SHANK2: variants seen among roughly 807,000 people sequenced by gnomAD.
SHANK2 encodes SH3 and multiple ankyrin repeat domains protein 2.
Under a neutral mutation model 133.7 loss-of-function variants are expected in SHANK2, and 43 were observed. That is an observed-to-expected ratio of 0.32 (90% confidence interval 0.25 to 0.41). The LOEUF (loss-of-function observed/expected upper bound fraction) is 0.41, where lower values mean the gene tolerates loss of function less well. Ranked by LOEUF, SHANK2 falls within the 10% of genes least tolerant of loss-of-function variation. SHANK2 has a pLI of 1.00. For synonymous variants in SHANK2, 1,017 were observed against 952.8 expected (o/e 1.07, Z -1.24); for missense variants, 1,994 against 2,235.8 (o/e 0.89, Z 2.18).
chr11:70,541,925 C>T (rs1409385945), intron 17 of SHANK2, among the ~76,000 whole-genome samples: 4 of 152,196 alleles, frequency 2.6e-5, no homozygotes, highest in South Asian at 4.1e-4. Flanking sequence ...CAGAGCAGGA[C>T]CCATGCAAAC....
At chr11:71,088,040 G>C (rs1951442338) in intron 8 of SHANK2, among the ~76,000 whole-genome samples, 1 of 152,168 alleles carries the variant, frequency 6.6e-6, no homozygotes, top group East Asian at 1.9e-4. Flanking sequence ...CTGTCTTCAT[G>C]AAGTCAGTGA....
intron 10 of SHANK2, among the ~76,000 whole-genome samples, chr11:70,945,467 T>C (rs982820786): frequency 6.6e-6 from 1 of 152,158 alleles, no homozygotes; most frequent in Non-Finnish European, 1.5e-5. Context: ...TCCAATACGC[T>C]GAGCTCCGAC....
chr11:70,718,623 G>A (rs549556393), intron 14 of SHANK2, among the ~76,000 whole-genome samples: 2 of 152,070 alleles, frequency 1.3e-5, no homozygotes, highest in East Asian at 1.9e-4. Context: ...CTTCCCAATC[G>A]GTACGTCCCG....
intron 11 of SHANK2, among the ~76,000 whole-genome samples, chr11:70,821,048 G>A (rs1404789678): frequency 6.6e-6 from 1 of 152,206 alleles, no homozygotes; most frequent in Non-Finnish European, 1.5e-5. Context: ...GCACTGAGCT[G>A]CCTGCCGCAA....
chr11:70,481,206 T>C (rs1555151473), intron 25 of SHANK2, among the ~76,000 whole-genome samples: 1 of 152,232 alleles, frequency 6.6e-6, no homozygotes, highest in Non-Finnish European at 1.5e-5. Context: ...ATGATGTACT[T>C]TTTTCTCTTT....
chr11:71,250,471 A>C (rs756922393), intron 1 of SHANK2, among the ~76,000 whole-genome samples: 1 of 152,124 alleles, frequency 6.6e-6, no homozygotes, highest in Non-Finnish European at 1.5e-5. Context: ...AGAAACCCAC[A>C]GCTCCCACCT....
At chr11:70,629,063 T>A (rs782199590) in intron 17 of SHANK2, among the ~76,000 whole-genome samples, 7 of 152,174 alleles carry the variant, frequency 4.6e-5, no homozygotes, top group Non-Finnish European at 4.4e-5. Context: ...GTTTCAGGCA[T>A]GTGCGCGCCA....
chr11:70,696,706 T>C (rs1555022302), intron 15 of SHANK2, among the ~76,000 whole-genome samples: 1 of 152,192 alleles, frequency 6.6e-6, no homozygotes, highest in East Asian at 1.9e-4. Context: ...GCATTCCTTT[T>C]ACAGCACACC....
intron 17 of SHANK2, among the ~76,000 whole-genome samples, chr11:70,549,412 G>A (rs2059736543): frequency 6.6e-6 from 1 of 152,226 alleles, no homozygotes; most frequent in Non-Finnish European, 1.5e-5. Flanking sequence ...AGCTCCCGAT[G>A]GCCGAGAAAG....
At chr11:70,908,279 G>A (rs1190597659) in intron 10 of SHANK2, among the ~76,000 whole-genome samples, 2 of 152,128 alleles carry the variant, frequency 1.3e-5, no homozygotes, top group Non-Finnish European at 2.9e-5. Context: ...AGCCTGGCTG[G>A]CACACGCAGG....
intron 11 of SHANK2, among the ~76,000 whole-genome samples, chr11:70,856,938 C>A (rs984178582): frequency 6.6e-6 from 1 of 152,196 alleles, no homozygotes; most frequent in African/African-American, 2.4e-5. Context: ...GCTGGCCCTT[C>A]CTTAACTTCT....
At chr11:70,537,730 C>T (rs904900228) in intron 17 of SHANK2, among the ~76,000 whole-genome samples, 3 of 152,244 alleles carry the variant, frequency 2.0e-5, no homozygotes, top group African/African-American at 4.8e-5. Flanking sequence ...AAGAAATAGG[C>T]GGCTGGGCCC....
chr11:71,187,919 G>A (rs559514892), intron 2 of SHANK2, among the ~76,000 whole-genome samples: 1 of 152,278 alleles, frequency 6.6e-6, no homozygotes, highest in South Asian at 2.1e-4. Flanking sequence ...TGTGGTGCCG[G>A]GTGGCCTTCC....
chr11:71,122,074 G>C (rs1952092419), intron 3 of SHANK2, among the ~76,000 whole-genome samples: 1 of 152,178 alleles, frequency 6.6e-6, no homozygotes. Flanking sequence ...CAACTGTTGT[G>C]GAAGACAGTG....
intron 18 of SHANK2, 66 bp downstream of exon 18, chr11:70,502,730 T>TGGGGGGGGGGGGGGGGGGGG: frequency 7.8e-6 from 6 of 772,456 alleles, no homozygotes; most frequent in East Asian, 5.3e-5. Context: ...CCAGCTGTCC[T>TGGGGGGGGGGGGGGGGGGGG]GCCCGCCCCC....
At chr11:70,559,179 C>T (rs1340162706) in intron 17 of SHANK2, among the ~76,000 whole-genome samples, 1 of 152,010 alleles carries the variant, frequency 6.6e-6, no homozygotes, top group African/African-American at 2.4e-5. Flanking sequence ...CCACCACACC[C>T]GGCTAATTTT....
chr11:71,187,414 T>G (rs1953696380), intron 2 of SHANK2, among the ~76,000 whole-genome samples: 1 of 152,158 alleles, frequency 6.6e-6, no homozygotes, highest in African/African-American at 2.4e-5. Flanking sequence ...GTTTCTCACG[T>G]TTTATTCAGG....
intron 17 of SHANK2, among the ~76,000 whole-genome samples, chr11:70,639,894 TCAGTGGACC>T (rs1451760116): frequency 2.6e-5 from 4 of 152,026 alleles, no homozygotes; most frequent in Non-Finnish European, 5.9e-5. Flanking sequence ...GATTGGGACA[TCAGTGGACC>T]CAGGGACGGC....
rs1433098553 is a variant in SHANK2 at position 70,739,823 on chromosome 11, G to A, written c.1778-41060C>T. On this transcript the variant is annotated intron_variant, in intron 14 of 25. Transcript: ENST00000601538. The surrounding 1 kb of genome is among the most constrained non-coding windows in gnomAD (Gnocchi z 4.3). The stretch of plus-strand genomic sequence containing the variant: ...TGACAGTGTCTTTGTAAGACAAGGA[G>A]AGCCAGACACACGAGGCACCAGGGA... Among the ~76,000 whole-genome samples the A allele has an allele frequency of 2.0e-5, 3 of 152,224 alleles. No individual in the cohort carries two copies. Among genetic ancestry groups the A allele is most frequent in the Non-Finnish European group, 4.4e-5 (3 of 68,034 alleles).
Sources: gnomAD v4.1 joint callset for allele counts (sites outside exome capture counted in the v4.1 genomes callset) on GRCh38, gnomAD v4.1.1 for gene constraint, Gnocchi (gnomAD v3.1) non-coding constraint, MANE v1.5 for transcripts, NCBI Gene and HGNC (gene_info 2026-07-23, HGNC 2026-07-21) for gene names.